The following GLE1 variants were observed in gnomAD, a reference collection of about 807,000 sequenced individuals.
GLE1 encodes GLE1 RNA export mediator.
A neutral mutation model predicts 97.3 loss-of-function variants in GLE1; 78 were observed. The ratio of observed to expected loss-of-function variants is 0.80; its 90% CI spans 0.67 to 0.97. GLE1 has a LOEUF of 0.97. Among genes scored for constraint, GLE1 ranks in the 50% least tolerant of loss-of-function variants. The pLI, the probability that GLE1 is intolerant of heterozygous loss-of-function variation, is 0.00. For missense variants in GLE1, 753 were observed against 857.5 expected, an observed-to-expected ratio of 0.88 and a Z score of 1.52; for synonymous variants, 302 against 313.4, an observed-to-expected ratio of 0.96 and a Z score of 0.39.
rs773154466 is a variant in GLE1, at chr9:128,522,706, G to A, written c.471G>A (p.Lys157=). 2.5e-5 allele frequency: 40 copies of A among 1,613,310 alleles called. No homozygotes were observed. In the South Asian group the frequency reaches 4.4e-4, roughly 18 times the overall value. The change falls in exon 4 of 16, where the codon AAG becomes AAA. Residue 157 remains lysine, a synonymous_variant. Coordinates refer to ENST00000309971, the MANE Select transcript of GLE1 (RefSeq NM_001003722.2). ...LRLWQEEQER[K]VQALSEMASE... is the part of the protein sequence containing the mutation. ...TATGGCAGGAGGAGCAGGAGAGGAAGGTGCAAGCCCTCTCGGAGATGGCAT... is the reference window on the plus strand; with the variant it reads ...TATGGCAGGAGGAGCAGGAGAGGAAAGTGCAAGCCCTCTCGGAGATGGCAT...
chr9:128,530,301 A>C (rs1223715981), intron 9 of GLE1, among the ~76,000 whole-genome samples: 1 of 152,166 alleles, frequency 6.6e-6, no homozygotes, highest in Non-Finnish European at 1.5e-5. Flanking sequence ...ATCCAAACCC[A>C]TCATCTTCCT....
At chr9:128,531,820 A>G (rs1413432595) in intron 9 of GLE1, among the ~76,000 whole-genome samples, 1 of 137,436 alleles carries the variant, frequency 7.3e-6, no homozygotes, top group Non-Finnish European at 1.5e-5. Context: ...TGACAGAGTG[A>G]GACTCCAGCT....
intron 9 of GLE1, among the ~76,000 whole-genome samples, chr9:128,530,434 G>C (rs1015470320): frequency 1.3e-5 from 2 of 152,006 alleles, no homozygotes. Flanking sequence ...TCACCACATC[G>C]AATTAGTCTA....
chr9:128,527,588 T>G (rs557036737), intron 9 of GLE1, 63 bp downstream of exon 9: 1 of 960,246 alleles, frequency 1.0e-6, no homozygotes, highest in African/African-American at 1.6e-5. Context: ...AGACTCCAAA[T>G]CTATGTATCT....
chr9:128,510,908 T>G (rs1846798739), intron 2 of GLE1, among the ~76,000 whole-genome samples: 1 of 151,390 alleles, frequency 6.6e-6, no homozygotes, highest in Admixed American at 6.6e-5. Flanking sequence ...ATATTAGTCT[T>G]TAAAAAATAT....
At chr9:128,540,386 A>G (rs1378151343) in intron 15 of GLE1, 48 bp downstream of exon 15, 6 of 1,165,320 alleles carry the variant, frequency 5.1e-6, no homozygotes, top group Middle Eastern at 2.0e-4. Context: ...TTGGGCTGGA[A>G]TGCACCTATG....
chr9:128,541,495 C>A lies in GLE1; in HGVS notation c.*325C>A. On this transcript the variant is annotated 3_prime_UTR_variant, in exon 16 of 16. Coordinates refer to ENST00000309971, the MANE Select transcript of GLE1 (RefSeq NM_001003722.2). ...AGTGTCTTTCAGAAAGTTGGCAATA[C>A]CTTAACAAATGCACTCTGAGCTGGA... 2.7e-6 allele frequency: 1 copy of A among 368,498 alleles called. No homozygotes were observed. The highest frequency in any genetic ancestry group is 5.1e-6 in the Non-Finnish European group (1 of 196,188). The allele number at this position is 368,498 out of a possible 1,614,324, so 22.8% of individuals were successfully genotyped here. A position where few individuals can be genotyped will look rare whatever the true frequency, so the allele number is the denominator to read the frequency against.
chr9:128,513,170 A>T (rs759983810), intron 2 of GLE1, among the ~76,000 whole-genome samples: 1 of 152,080 alleles, frequency 6.6e-6, no homozygotes, highest in Non-Finnish European at 1.5e-5. Context: ...AGATCTAGGA[A>T]CATCTACATT....
Position 128,536,360 on chromosome 9 carries a change from T to G in GLE1, c.1652T>G (p.Leu551Arg). 6.2e-7 allele frequency: 1 copy of G among 1,613,502 alleles called. No individual in the cohort carries two copies. The highest frequency in any genetic ancestry group is 8.5e-7 in the Non-Finnish European group (1 of 1,179,614). Residue 551 changes from leucine (L) to arginine (R), a missense_variant, in exon 12 of 16, where the codon CTT (leucine) becomes CGT (arginine). Leu to Arg is a moderately radical substitution (Grantham distance 102). Transcript: ENST00000309971. ...GMALEDYQRM[L>R]GYQVKDSKVE... Reference sequence around the variant, plus strand: ...AATTTTTTCTTCCCGTATAGGATGCTTGGTTACCAAGTAAAGGATTCCAAA... The same window carrying G: ...AATTTTTTCTTCCCGTATAGGATGCGTGGTTACCAAGTAAAGGATTCCAAA...
At position 128,539,675 on chromosome 9, in the gene GLE1, C is replaced by T. The variant is rs748157651; in HGVS notation, c.1941C>T (p.Leu647=). The change falls in exon 14 of 16, where the codon CTC becomes CTT. Residue 647 remains leucine (L), a synonymous_variant. Coordinates refer to ENST00000309971, the MANE Select transcript of GLE1 (RefSeq NM_001003722.2). ...YQVQFWKMLI[L]IKEDYFPRIE... ...TTCAGTTCTGGAAGATGCTAATTCT[C>T]ATCAAAGAGGACTACTTTCCCAGGT... 7 of 1,611,872 alleles carry T rather than the reference C, an allele frequency of 4.3e-6. No individual in the cohort carries two copies. In the East Asian group the frequency reaches 1.1e-4, roughly 26 times the overall value.
In GLE1 at chr9:128,533,929, A is replaced by G. The variant is rs759936715; in HGVS notation, c.1624A>G (p.Met542Val). 1 of 1,611,128 alleles carries G rather than the reference A, an allele frequency of 6.2e-7. No homozygotes were observed. The highest frequency in any genetic ancestry group is 1.1e-5 in the South Asian group (1 of 91,020). ...VPFYPTFKEGMALEDYQRMLG... is the reference protein window; with the variant it reads ...VPFYPTFKEGVALEDYQRMLG... ...TTTCTATCCCACTTTCAAGGAGGGA[A>G]TGGCTTTGGAAGACTATCAGAGGTA... Residue 542 changes from methionine (M) to valine (V), a missense_variant, in exon 11 of 16, where the codon ATG becomes GTG. Met to Val is a conservative substitution (Grantham distance 21, BLOSUM62 1). Coordinates refer to ENST00000309971, the MANE Select transcript of GLE1 (RefSeq NM_001003722.2).
intron 2 of GLE1, among the ~76,000 whole-genome samples, chr9:128,510,460 C>G (rs1337960118): frequency 6.6e-6 from 1 of 151,374 alleles, no homozygotes; most frequent in Non-Finnish European, 1.5e-5. Flanking sequence ...AACTCCTGAC[C>G]TTATGATCTG....
intron 7 of GLE1, among the ~76,000 whole-genome samples, chr9:128,526,757 C>T (rs1424149629): frequency 6.6e-6 from 1 of 152,004 alleles, no homozygotes; most frequent in Non-Finnish European, 1.5e-5. Flanking sequence ...ATAGCCTCAC[C>T]CTCCCAGGCT....
chr9:128,525,486 G>T, intron 7 of GLE1, 63 bp downstream of exon 7: 1 of 1,030,134 alleles, frequency 9.7e-7, no homozygotes, highest in South Asian at 1.4e-5. Flanking sequence ...AGAAACAAGA[G>T]CATGTTTTGA....
chr9:128,529,786 C>CTT (rs369057972), intron 9 of GLE1, among the ~76,000 whole-genome samples: 1 of 144,790 alleles, frequency 6.9e-6, no homozygotes, highest in Non-Finnish European at 1.5e-5. Flanking sequence ...GGGATCTACT[C>CTT]TTTTTTTTTT....
Position 128,527,173 on chromosome 9 carries a change from TCTCAGAC to T in GLE1, c.1130-2_1134del. The T allele has an allele frequency of 2.0e-6, 3 of 1,509,500 alleles. No homozygotes were observed. The highest frequency in any genetic ancestry group is 2.8e-6 in the Non-Finnish European group (3 of 1,084,332). 93.5% of individuals were successfully genotyped at this position (1,509,500 alleles called of 1,614,324 possible). A position where few individuals can be genotyped will look rare whatever the true frequency, so the allele number is the denominator to read the frequency against. On this transcript the variant is annotated splice_acceptor_variant and splice_polypyrimidine_tract_variant and coding_sequence_variant and intron_variant, in exon 8 of 16. Coordinates refer to ENST00000309971, the MANE Select transcript of GLE1 (RefSeq NM_001003722.2). LOFTEE classifies it high-confidence loss of function. Reference sequence around the variant, plus strand: ...CTATTACTAAAACCTCTCTTTTATTTCTCAGACCTCCAGGTGAAGGTACAAGACATTA... The same window carrying T: ...CTATTACTAAAACCTCTCTTTTATTTCTCCAGGTGAAGGTACAAGACATTA...
Position 128,504,822 on chromosome 9 carries a change from G to T in GLE1, c.17G>T (p.Arg6Leu), listed in dbSNP as rs769450689. ...TAGCCAACCATGCCGTCTGAGGGTC[G>T]CTGCTGGGAGACCTTGAAGGCCCTA... MPSEG[R>L]CWETLKALRS... Residue 6 changes from arginine to leucine, a missense_variant, in exon 1 of 16, where the codon CGC becomes CTC. By Grantham distance (102) the Arg-to-Leu change is moderately radical. Coordinates refer to ENST00000309971, the MANE Select transcript of GLE1 (RefSeq NM_001003722.2). The T allele has an allele frequency of 1.9e-6, 3 of 1,611,060 alleles. No homozygotes were observed. The highest frequency in any genetic ancestry group is 1.1e-5 in the South Asian group (1 of 91,030).
chr9:128,514,208 G>A (rs1214606881), intron 2 of GLE1, among the ~76,000 whole-genome samples: 6 of 151,320 alleles, frequency 4.0e-5, no homozygotes, highest in East Asian at 3.9e-4. Flanking sequence ...GTGTGGTGGC[G>A]TGCGCCAGTG....
chr9:128,505,394 A>G (rs563334863), intron 1 of GLE1, among the ~76,000 whole-genome samples: 2 of 152,260 alleles, frequency 1.3e-5, no homozygotes, highest in South Asian at 4.2e-4. Context: ...AAGTGGAGGG[A>G]TGTGGAGAGT....
Sources: allele counts gnomAD v4.1 joint callset (sites outside exome capture counted in the v4.1 genomes callset), GRCh38; gene constraint gnomAD v4.1.1; transcripts MANE v1.5; gene names NCBI Gene and HGNC (gene_info 2026-07-23, HGNC 2026-07-21).